Variants in ADGRA3 observed in about 807,000 individuals in gnomAD.
ADGRA3 encodes the protein adhesion G protein-coupled receptor A3, also known as G-protein coupled receptor 125.
Under a neutral mutation model 119.8 loss-of-function variants are expected in ADGRA3, and 56 were observed. The ratio of observed to expected loss-of-function variants is 0.47; its 90% CI spans 0.38 to 0.58. ADGRA3 has a LOEUF of 0.58. Ranked by LOEUF, ADGRA3 falls within the 20% of genes least tolerant of loss-of-function variation. ADGRA3 has a pLI of 0.00. For missense variants in ADGRA3, 1,516 were observed against 1,649.0 expected (o/e 0.92, Z 1.40); for synonymous variants, 607 against 623.8 (o/e 0.97, Z 0.40).
rs115281844 is a variant in ADGRA3, at chr4:22,466,842, C to T, written c.330-5034G>A. Among the ~76,000 whole-genome samples, 550 of 152,312 alleles carry T rather than the reference C, an allele frequency of 3.6e-3. 3 individuals carry two copies. Among genetic ancestry groups the T allele is most frequent in the African/African-American group, 0.013 (529 of 41,572 alleles). On this transcript the variant is annotated intron_variant, in intron 2 of 18. Coordinates refer to ENST00000334304, the MANE Select transcript of ADGRA3 (RefSeq NM_145290.4). The stretch of plus-strand genomic sequence containing the variant: ...AGACCACAGGTTCCACAAGAGCAGG[C>T]TCTGCTCCACTCAGCGAGGGGGTGA...
intron 1 of ADGRA3, among the ~76,000 whole-genome samples, chr4:22,484,359 G>C (rs1428892995): frequency 6.6e-6 from 1 of 152,000 alleles, no homozygotes; most frequent in East Asian, 1.9e-4. Context: ...AATCCCAGCA[G>C]TTTGGGAGGC....
At chr4:22,478,736 T>C (rs537426466) in intron 1 of ADGRA3, among the ~76,000 whole-genome samples, 51 of 152,080 alleles carry the variant, frequency 3.4e-4, no homozygotes, top group African/African-American at 1.2e-3. Context: ...CAAGTGTCCT[T>C]AAAAGGAAAG....
intron 12 of ADGRA3, among the ~76,000 whole-genome samples, chr4:22,415,200 T>C (rs1225450580): frequency 6.6e-6 from 1 of 152,156 alleles, no homozygotes; most frequent in Non-Finnish European, 1.5e-5. Flanking sequence ...TTGCATTTGA[T>C]CAAAATAATC....
chr4:22,448,808 G>A (rs925649695), intron 4 of ADGRA3, among the ~76,000 whole-genome samples: 4 of 152,090 alleles, frequency 2.6e-5, no homozygotes, highest in Admixed American at 1.3e-4. Context: ...GATTCTCACA[G>A]AATAAGTACC....
chr4:22,488,263 C>T (rs901739625), intron 1 of ADGRA3, among the ~76,000 whole-genome samples: 2 of 152,036 alleles, frequency 1.3e-5, no homozygotes, highest in African/African-American at 4.8e-5. Flanking sequence ...AAAATACTTA[C>T]TAGCCAGGCC....
Position 22,420,792 on chromosome 4 carries a change from A to C in ADGRA3, c.1809+94T>G, listed in dbSNP as rs561904857. The C allele has an allele frequency of 2.9e-5, 36 of 1,242,946 alleles. 2 individuals are homozygous for C. In the South Asian group the frequency reaches 4.8e-4, roughly 16 times the overall value. The allele number at this position is 1,242,946 out of a possible 1,614,324, so 77.0% of individuals were successfully genotyped here. ...TAATACCTATCTTCCTGCAAAAAAAAAATCTTTTAATAAGGTTATTTTGCG... is the reference window on the plus strand; with the variant it reads ...TAATACCTATCTTCCTGCAAAAAAACAATCTTTTAATAAGGTTATTTTGCG... On this transcript the variant is annotated intron_variant, in intron 12 of 18. Transcript: ENST00000334304.
intron 16 of ADGRA3, among the ~76,000 whole-genome samples, chr4:22,398,626 A>G (rs976307937): frequency 6.6e-6 from 1 of 151,338 alleles, no homozygotes; most frequent in African/African-American, 2.4e-5. Flanking sequence ...TATTTTAGTG[A>G]TTTTTACCTT....
chr4:22,499,141 C>T (rs987001386), intron 1 of ADGRA3, among the ~76,000 whole-genome samples: 2 of 152,194 alleles, frequency 1.3e-5, no homozygotes, highest in Non-Finnish European at 2.9e-5. Flanking sequence ...AAACAACCCT[C>T]ACCCTTGCTA....
intron 1 of ADGRA3, among the ~76,000 whole-genome samples, chr4:22,496,162 T>G (rs1718818488): frequency 1.3e-5 from 2 of 152,188 alleles, no homozygotes; most frequent in South Asian, 4.1e-4. Flanking sequence ...AATGTGAATT[T>G]GTGTTCCCTT....
intron 1 of ADGRA3, among the ~76,000 whole-genome samples, chr4:22,486,331 T>C (rs1718431805): frequency 6.6e-6 from 1 of 152,174 alleles, no homozygotes; most frequent in Non-Finnish European, 1.5e-5. Context: ...CAACCTCTTT[T>C]ACATGTCCTC....
At chr4:22,465,074 G>C (rs1717607707) in intron 2 of ADGRA3, among the ~76,000 whole-genome samples, 1 of 152,294 alleles carries the variant, frequency 6.6e-6, no homozygotes, top group African/African-American at 2.4e-5. Context: ...TAGACCAGAA[G>C]CCATTCAAAA....
intron 18 of ADGRA3, 23 bp downstream of exon 18, chr4:22,389,065 C>A: frequency 6.2e-7 from 1 of 1,607,794 alleles, no homozygotes. Flanking sequence ...GGGTCAAGTA[C>A]ACAGAGAATA....
intron 1 of ADGRA3, among the ~76,000 whole-genome samples, chr4:22,509,230 T>C (rs1014297769): frequency 6.6e-6 from 1 of 151,190 alleles, no homozygotes; most frequent in African/African-American, 2.4e-5. Flanking sequence ...CAGCCGGGAG[T>C]GGTGGCTCAT....
rs1053628971 is a variant in ADGRA3, at chr4:22,387,990, G to A, written c.3681C>T (p.Tyr1227=). ...HSRSRRAYLA[Y]RERQYNPPQQ... is the part of the protein sequence containing the mutation. ...GGGGTGGGTTGTACTGTCTCTCTCTGTAGGCTAAATAAGCTCTTCGGCTCC... is the reference window on the plus strand; with the variant it reads ...GGGGTGGGTTGTACTGTCTCTCTCTATAGGCTAAATAAGCTCTTCGGCTCC... Residue 1227 remains tyrosine (Y), a synonymous_variant, in exon 19 of 19, where the codon TAC becomes TAT. Transcript: ENST00000334304. 1 of 1,614,176 alleles carries A rather than the reference G, an allele frequency of 6.2e-7. No individual in the cohort carries two copies. The highest frequency in any genetic ancestry group is 8.5e-7 in the Non-Finnish European group (1 of 1,180,014).
At chr4:22,418,073 CAG>C (rs1452648322) in intron 12 of ADGRA3, among the ~76,000 whole-genome samples, 1 of 152,152 alleles carries the variant, frequency 6.6e-6, no homozygotes, top group Non-Finnish European at 1.5e-5. Flanking sequence ...TTACTGAAAA[CAG>C]ATACTATTTT....
chr4:22,515,879 G>A lies in ADGRA3; in HGVS notation c.-95C>T, dbSNP rs1178485330. 3.5e-5 allele frequency: 30 copies of A among 847,336 alleles called. No individual in the cohort carries two copies. The highest frequency in any genetic ancestry group is 4.3e-5 in the Non-Finnish European group (30 of 705,550). 52.5% of individuals were successfully genotyped at this position (847,336 alleles called of 1,614,324 possible). ...GGCAGGAGCGCGGCGCGGGCCCAGC[G>A]GCGACCGGAGCCTTATGGCGGCCGG... On this transcript the variant is annotated 5_prime_UTR_variant, in exon 1 of 19. Coordinates refer to ENST00000334304, the MANE Select transcript of ADGRA3 (RefSeq NM_145290.4).
At chr4:22,404,392 T>C (rs985965864) in intron 14 of ADGRA3, among the ~76,000 whole-genome samples, 4 of 152,152 alleles carry the variant, frequency 2.6e-5, no homozygotes, top group Non-Finnish European at 5.9e-5. Flanking sequence ...AAAGATGGTA[T>C]CAGGATGCCT....
chr4:22,463,568 G>C (rs984967445), intron 2 of ADGRA3, among the ~76,000 whole-genome samples: 1 of 152,176 alleles, frequency 6.6e-6, no homozygotes, highest in Non-Finnish European at 1.5e-5. Context: ...GCTGCAATGA[G>C]CACAGATTCA....
chr4:22,396,637 T>C (rs28523424), intron 16 of ADGRA3, among the ~76,000 whole-genome samples: 4,035 of 152,216 alleles, frequency 0.027, 116 homozygotes, highest in African/African-American at 0.062. Context: ...ATTACCTGAA[T>C]TGAGTATTAC....
Sources: allele counts gnomAD v4.1 joint callset (sites outside exome capture counted in the v4.1 genomes callset), GRCh38; gene constraint gnomAD v4.1.1; transcripts MANE v1.5; gene names NCBI Gene and HGNC (gene_info 2026-07-23, HGNC 2026-07-21).